Variants in GLG1 observed in about 807,000 individuals in gnomAD.
GLG1 encodes the protein golgi glycoprotein 1.
In GLG1, 38 loss-of-function variants were observed where a neutral mutation model predicts 160.5. The observed-to-expected ratio is 0.24, with a 90% CI of 0.18 to 0.31. The LOEUF (loss-of-function observed/expected upper bound fraction) is 0.31, where lower values mean the gene tolerates loss of function less well. GLG1 is among the 10% of genes least tolerant of loss of function. The pLI is 1.00. For synonymous variants in GLG1, 644 were observed against 543.4 expected (o/e 1.19, Z -2.57); for missense variants, 1,373 against 1,505.2 (o/e 0.91, Z 1.45).
chr16:74,525,245 A>G (rs1427090119), intron 2 of GLG1, among the ~76,000 whole-genome samples: 3 of 152,266 alleles, frequency 2.0e-5, no homozygotes, highest in African/African-American at 7.2e-5. Context: ...TGGCTGCACT[A>G]TTTCACATTC....
chr16:74,471,381 TA>T (rs1208327470), intron 14 of GLG1, 95 bp from the exon 15 acceptor site: 2 of 728,550 alleles, frequency 2.7e-6, no homozygotes, highest in Admixed American at 2.1e-5. Context: ...AGGTTAGTTC[TA>T]GAAGCCCTCA....
intron 1 of GLG1, among the ~76,000 whole-genome samples, chr16:74,534,628 T>G (rs1218497364): frequency 6.6e-6 from 1 of 152,058 alleles, no homozygotes; most frequent in African/African-American, 2.4e-5. Context: ...TTTTAATGAC[T>G]TGCTTCCCTA....
chr16:74,540,009 A>AT lies in GLG1; in HGVS notation c.439-7857dup, dbSNP rs527305392. Among the ~76,000 whole-genome samples the AT allele has an allele frequency of 1.9e-3, 2 of 1,050 alleles. 1 individual carries two copies. Among genetic ancestry groups the AT allele is most frequent in the Non-Finnish European group, 5.4e-3 (2 of 368 alleles). The allele number at this position is 1,050 out of a possible 152,430, so 0.7% of individuals were successfully genotyped here. A position where few individuals can be genotyped will look rare whatever the true frequency, so the allele number is the denominator to read the frequency against. On this transcript the variant is annotated intron_variant, in intron 1 of 25. Coordinates refer to ENST00000422840, the MANE Select transcript of GLG1 (RefSeq NM_001145667.2). ...ATATATATATATTTTATATATATAT[A>AT]TTTTATATATATATATTATATATAT...
At chr16:74,547,681 T>C (rs542937859) in intron 1 of GLG1, among the ~76,000 whole-genome samples, 145 of 152,358 alleles carry the variant, frequency 9.5e-4, no homozygotes, top group African/African-American at 3.1e-3. Context: ...AAAAAATACA[T>C]TTTTTTCAAC....
Position 74,451,609 on chromosome 16 carries a change from T to A in GLG1, c.*1558A>T. On this transcript the variant is annotated 3_prime_UTR_variant, in exon 26 of 26. Coordinates refer to ENST00000422840, the MANE Select transcript of GLG1 (RefSeq NM_001145667.2). ...CAGGCCTTGGTCTACATGGACAGTT[T>A]TAGGCACGTGATTTATAATACTTTG... is the stretch of plus-strand genomic sequence containing the variant. The A allele has an allele frequency of 5.5e-6, 1 of 182,040 alleles. No individual in the cohort carries two copies. The highest frequency in any genetic ancestry group is 1.2e-5 in the Non-Finnish European group (1 of 84,838). 11.3% of individuals were successfully genotyped at this position (182,040 alleles called of 1,614,324 possible).
intron 1 of GLG1, among the ~76,000 whole-genome samples, chr16:74,539,850 A>C (rs1477981969): frequency 6.8e-6 from 1 of 146,338 alleles, no homozygotes; most frequent in African/African-American, 2.5e-5. Flanking sequence ...CTCTAACACT[A>C]GTTAAACTGA....
chr16:74,564,074 C>T lies in GLG1; in HGVS notation c.439-31921G>A, dbSNP rs764983573. Among the ~76,000 whole-genome samples, 180 of 152,308 alleles carry T rather than the reference C, an allele frequency of 1.2e-3. 1 individual carries two copies. Among genetic ancestry groups the T allele is most frequent in the African/African-American group, 4.1e-3 (169 of 41,572 alleles). On this transcript the variant is annotated intron_variant, in intron 1 of 25. Coordinates refer to ENST00000422840, the MANE Select transcript of GLG1 (RefSeq NM_001145667.2). Reference sequence around the variant, plus strand: ...GTAGTGGAACTACCAGCATGTGCCACGAGGCCCGGCTAATTTTTGTATTTT... The same window carrying T: ...GTAGTGGAACTACCAGCATGTGCCATGAGGCCCGGCTAATTTTTGTATTTT...
intron 1 of GLG1, among the ~76,000 whole-genome samples, chr16:74,547,870 C>A (rs1232400498): frequency 6.6e-6 from 1 of 152,168 alleles, no homozygotes; most frequent in Non-Finnish European, 1.5e-5. Flanking sequence ...TTCATTTAAT[C>A]CACTGATGAT....
chr16:74,485,003 TC>T (rs2015741609), intron 9 of GLG1, among the ~76,000 whole-genome samples: 1 of 152,086 alleles, frequency 6.6e-6, no homozygotes, highest in Non-Finnish European at 1.5e-5. Flanking sequence ...AACCTTGAAC[TC>T]CTGGGCTCAA....
At chr16:74,492,934 TAA>T in intron 7 of GLG1, 21 bp downstream of exon 7, 8 of 1,339,254 alleles carry the variant, frequency 6.0e-6, no homozygotes, top group Non-Finnish European at 7.1e-6. Flanking sequence ...AAATGATAAT[TAA>T]AAAAAAAATA....
At chr16:74,564,340 T>C (rs749535901) in intron 1 of GLG1, among the ~76,000 whole-genome samples, 2 of 152,226 alleles carry the variant, frequency 1.3e-5, no homozygotes, top group Non-Finnish European at 2.9e-5. Flanking sequence ...TGCTCATTCT[T>C]TGATCTATTT....
chr16:74,495,023 T>C (rs966660043), intron 5 of GLG1, among the ~76,000 whole-genome samples, 192 bp from the exon 6 acceptor site: 7 of 152,140 alleles, frequency 4.6e-5, no homozygotes, highest in South Asian at 2.1e-4. Context: ...GAAAAAAATA[T>C]TCCCATGATA....
At chr16:74,495,602 C>T (rs2016156926) in intron 5 of GLG1, among the ~76,000 whole-genome samples, 1 of 152,178 alleles carries the variant, frequency 6.6e-6, no homozygotes, top group Non-Finnish European at 1.5e-5. Flanking sequence ...TCTGTAGAGT[C>T]AGCAGGTGGT....
At chr16:74,495,151 T>C (rs2143403107) in intron 5 of GLG1, among the ~76,000 whole-genome samples, 1 of 151,282 alleles carries the variant, frequency 6.6e-6, no homozygotes, top group South Asian at 2.1e-4. Flanking sequence ...TCTTGCTCTG[T>C]TGCCCAGGCT....
At chr16:74,528,998 G>A (rs1384309216) in intron 2 of GLG1, among the ~76,000 whole-genome samples, 16 of 138,492 alleles carry the variant, frequency 1.2e-4, no homozygotes, top group South Asian at 2.3e-4. Flanking sequence ...ACAGAATCTC[G>A]CTCTGTTGCC....
intron 1 of GLG1, among the ~76,000 whole-genome samples, chr16:74,584,080 T>TC (rs1336196287): frequency 6.6e-6 from 1 of 152,154 alleles, no homozygotes; most frequent in Non-Finnish European, 1.5e-5. Context: ...CGCCTTCAAT[T>TC]TTCCTCACTT....
intron 1 of GLG1, chr16:74,552,769 T>C (rs1341074531): frequency 8.4e-6 from 1 of 119,176 alleles, no homozygotes; most frequent in Non-Finnish European, 1.7e-5. Flanking sequence ...TTATTTTGCA[T>C]TGAATAAACT....
At chr16:74,595,166 C>T (rs1251590275) in intron 1 of GLG1, among the ~76,000 whole-genome samples, 1 of 150,574 alleles carries the variant, frequency 6.6e-6, no homozygotes, top group East Asian at 2.0e-4. Flanking sequence ...CTAGCCTGGG[C>T]AACAGAGCAA....
chr16:74,481,759 G>A (rs2015606047), intron 10 of GLG1, among the ~76,000 whole-genome samples: 1 of 152,158 alleles, frequency 6.6e-6, no homozygotes, highest in Non-Finnish European at 1.5e-5. Context: ...ACAGCTCACT[G>A]TAACCTACAG....
Sources: gnomAD v4.1 joint callset for allele counts (sites outside exome capture counted in the v4.1 genomes callset) on GRCh38, gnomAD v4.1.1 for gene constraint, MANE v1.5 for transcripts, NCBI Gene and HGNC (gene_info 2026-07-23, HGNC 2026-07-21) for gene names.